The following TMEM131 variants were observed in gnomAD, a reference collection of about 807,000 sequenced individuals.
The protein encoded by TMEM131 is 2610524E03Rik.
A neutral mutation model predicts 211.6 loss-of-function variants in TMEM131; 66 were observed. That is an observed-to-expected ratio of 0.31 (90% confidence interval 0.26 to 0.38). TMEM131 has a LOEUF of 0.38. Ranked by LOEUF, TMEM131 falls within the 10% of genes least tolerant of loss-of-function variation. TMEM131 has a pLI of 1.00. For synonymous variants in TMEM131, 844 were observed against 841.3 expected, an observed-to-expected ratio of 1.00 and a Z score of -0.06; for missense variants, 2,036 against 2,299.3, an observed-to-expected ratio of 0.89 and a Z score of 2.34.
At chr2:97,989,277 C>CAAAAAAAAAAAA (rs768850056) in intron 1 of TMEM131, among the ~76,000 whole-genome samples, 3 of 103,842 alleles carry the variant, frequency 2.9e-5, no homozygotes, top group Admixed American at 1.0e-4. Context: ...AAAAACAAAA[C>CAAAAAAAAAAAA]AAAAAAAAAA....
intron 2 of TMEM131, among the ~76,000 whole-genome samples, chr2:97,910,777 C>T (rs907103038): frequency 6.6e-6 from 1 of 151,956 alleles, no homozygotes; most frequent in African/African-American, 2.4e-5. Context: ...TTTCTGAGGC[C>T]TTTGTTCTGT....
chr2:97,868,973 T>C (rs546813701), intron 4 of TMEM131, among the ~76,000 whole-genome samples: 11 of 152,158 alleles, frequency 7.2e-5, no homozygotes, highest in Non-Finnish European at 1.3e-4. Flanking sequence ...GGAAGCTCAA[T>C]CGATACAATA....
intron 19 of TMEM131, among the ~76,000 whole-genome samples, chr2:97,807,035 A>C (rs1043610813): frequency 3.9e-5 from 6 of 152,238 alleles, no homozygotes; most frequent in African/African-American, 7.2e-5. Flanking sequence ...AAGAGCTCAC[A>C]GATATAAATG....
intron 3 of TMEM131, among the ~76,000 whole-genome samples, chr2:97,891,881 T>A (rs906854179): frequency 1.3e-5 from 2 of 152,098 alleles, no homozygotes; most frequent in Non-Finnish European, 2.9e-5. Context: ...CCTGCATTTT[T>A]AAGCACCCTC....
intron 2 of TMEM131, among the ~76,000 whole-genome samples, chr2:97,909,606 A>G (rs1464731346): frequency 6.6e-6 from 1 of 152,238 alleles, no homozygotes; most frequent in African/African-American, 2.4e-5. Flanking sequence ...GTTATCTGCT[A>G]CATCAAAATG....
chr2:97,913,802 G>A (rs145758520), intron 2 of TMEM131, among the ~76,000 whole-genome samples: 12 of 152,112 alleles, frequency 7.9e-5, no homozygotes, highest in Non-Finnish European at 1.5e-4. Context: ...GATGGTACAG[G>A]CAGCACATGC....
chr2:97,984,490 T>C (rs1679937256), intron 1 of TMEM131, among the ~76,000 whole-genome samples: 1 of 151,972 alleles, frequency 6.6e-6, no homozygotes, highest in South Asian at 2.1e-4. Flanking sequence ...ACAGGAAGTG[T>C]GGTACCAACA....
chr2:97,884,810 A>G (rs2104231763), intron 4 of TMEM131, among the ~76,000 whole-genome samples: 1 of 152,308 alleles, frequency 6.6e-6, no homozygotes, highest in South Asian at 2.1e-4. Flanking sequence ...GTATGACTTT[A>G]CAGATGAGGT....
intron 19 of TMEM131, among the ~76,000 whole-genome samples, chr2:97,806,308 G>A (rs1005272436): frequency 1.1e-4 from 17 of 152,192 alleles, no homozygotes; most frequent in Admixed American, 1.3e-4. Flanking sequence ...AGGCTAAGGT[G>A]GGTGGATCAC....
intron 31 of TMEM131, among the ~76,000 whole-genome samples, chr2:97,785,808 A>C (rs1205577437): frequency 1.3e-5 from 2 of 152,214 alleles, no homozygotes; most frequent in African/African-American, 2.4e-5. Context: ...CCTACAGTAC[A>C]TCCATAAGTT....
intron 1 of TMEM131, among the ~76,000 whole-genome samples, chr2:97,928,482 A>G (rs1677080984): frequency 1.3e-5 from 2 of 151,862 alleles, no homozygotes; most frequent in African/African-American, 4.9e-5. Flanking sequence ...AAATTTTAAA[A>G]ATTTATTTAG....
In TMEM131 at chr2:97,945,390, G is replaced by A. The variant is rs543267394; in HGVS notation, c.188-17903C>T. On this transcript the variant is annotated intron_variant, in intron 1 of 40. Transcript: ENST00000186436. Reference sequence around the variant, plus strand: ...TGAGACAGTTGTGATGGTTGTACAAGTCTATGAGTATACTTCAAAAACCCA... The same window carrying A: ...TGAGACAGTTGTGATGGTTGTACAAATCTATGAGTATACTTCAAAAACCCA... Among the ~76,000 whole-genome samples, 15 of 152,220 alleles carry A rather than the reference G, an allele frequency of 9.9e-5. 1 individual carries two copies. The South Asian group carries it at 2.5e-3, about 25-fold the overall frequency.
intron 31 of TMEM131, among the ~76,000 whole-genome samples, chr2:97,785,413 A>G (rs2104856039): frequency 6.6e-6 from 1 of 152,366 alleles, no homozygotes; most frequent in Admixed American, 6.5e-5. Context: ...TAAGCACATG[A>G]AAATATATTC....
intron 7 of TMEM131, among the ~76,000 whole-genome samples, chr2:97,840,640 A>T (rs1009786550): frequency 2.0e-5 from 3 of 152,196 alleles, no homozygotes; most frequent in Non-Finnish European, 4.4e-5. Flanking sequence ...TTCTACATAG[A>T]TTTGTAATAA....
intron 2 of TMEM131, among the ~76,000 whole-genome samples, chr2:97,926,844 A>C (rs1677012553): frequency 6.6e-6 from 1 of 152,184 alleles, no homozygotes; most frequent in Non-Finnish European, 1.5e-5. Context: ...ACAGACACAA[A>C]TCCTTCCTCA....
intron 1 of TMEM131, among the ~76,000 whole-genome samples, chr2:97,949,876 T>G (rs1253343677): frequency 6.6e-6 from 1 of 151,518 alleles, no homozygotes; most frequent in Admixed American, 6.6e-5. Context: ...CAGGGCTTGC[T>G]TCTTTTGGTT....
At chr2:97,885,855 TTAAG>T (rs1396138578) in intron 4 of TMEM131, among the ~76,000 whole-genome samples, 1 of 152,246 alleles carries the variant, frequency 6.6e-6, no homozygotes, top group Admixed American at 6.5e-5. Flanking sequence ...TACTATTTCA[TTAAG>T]TATGTTTTCT....
chr2:97,814,505 A>T, intron 13 of TMEM131, 117 bp from the exon 14 acceptor site: 3 of 1,036,592 alleles, frequency 2.9e-6, no homozygotes, highest in Non-Finnish European at 4.0e-6. Context: ...GATTGTATTA[A>T]AGATTTAGAA....
chr2:97,943,108 G>T (rs1309908827), intron 1 of TMEM131, among the ~76,000 whole-genome samples: 1 of 141,062 alleles, frequency 7.1e-6, no homozygotes, highest in African/African-American at 2.5e-5. Flanking sequence ...AAAGAGCTGG[G>T]TGTGGTGGTG....
Sources: allele counts gnomAD v4.1 joint callset (sites outside exome capture counted in the v4.1 genomes callset), GRCh38; gene constraint gnomAD v4.1.1; transcripts MANE v1.5; gene names NCBI Gene and HGNC (gene_info 2026-07-23, HGNC 2026-07-21).